The following FSTL5 variants were observed in gnomAD, a reference collection of about 807,000 sequenced individuals.
FSTL5 encodes follistatin like 5, also known as follistatin-related protein 5.
Under a neutral mutation model 89.1 loss-of-function variants are expected in FSTL5, and 62 were observed. That is an observed-to-expected ratio of 0.70 (90% confidence interval 0.57 to 0.86). The LOEUF is 0.86. Ranked by LOEUF, FSTL5 falls within the 40% of genes least tolerant of loss-of-function variation. The pLI, the probability that FSTL5 is intolerant of heterozygous loss-of-function variation, is 0.00. For synonymous variants in FSTL5, 383 were observed against 346.2 expected (o/e 1.11, Z -1.18); for missense variants, 1,057 against 1,001.6 (o/e 1.06, Z -0.75).
intron 7 of FSTL5, among the ~76,000 whole-genome samples, chr4:161,643,332 G>A (rs1311895210): frequency 6.6e-6 from 1 of 152,096 alleles, no homozygotes; most frequent in Non-Finnish European, 1.5e-5. Context: ...TCACCTGGCT[G>A]TCACCTAAAC....
intron 2 of FSTL5, among the ~76,000 whole-genome samples, chr4:162,093,731 C>T (rs895740226): frequency 6.6e-6 from 1 of 152,080 alleles, no homozygotes; most frequent in Non-Finnish European, 1.5e-5. Context: ...AAAGTTTTAA[C>T]CACAAACTTC....
chr4:162,100,906 G>A (rs542396754), intron 2 of FSTL5, among the ~76,000 whole-genome samples: 1 of 152,206 alleles, frequency 6.6e-6, no homozygotes, highest in Non-Finnish European at 1.5e-5. Context: ...CACACTGCTG[G>A]CATTTCTGAT....
chr4:161,713,522 G>A (rs1738869956), intron 6 of FSTL5, among the ~76,000 whole-genome samples: 1 of 152,088 alleles, frequency 6.6e-6, no homozygotes, highest in Admixed American at 6.5e-5. Context: ...TCAAAAAATT[G>A]TCTTTCACAG....
chr4:161,486,655 A>G (rs1332425538), intron 12 of FSTL5, among the ~76,000 whole-genome samples: 1 of 152,146 alleles, frequency 6.6e-6, no homozygotes, highest in Non-Finnish European at 1.5e-5. Flanking sequence ...TGGGCTGCCA[A>G]TGTGTGTAAA....
chr4:161,510,797 T>C (rs1335060031), intron 10 of FSTL5, among the ~76,000 whole-genome samples: 1 of 151,710 alleles, frequency 6.6e-6, no homozygotes, highest in Admixed American at 6.6e-5. Flanking sequence ...AAGTTGCTAA[T>C]AGAAAAAGTT....
intron 15 of FSTL5, among the ~76,000 whole-genome samples, chr4:161,417,388 T>C (rs1023165189): frequency 1.3e-5 from 2 of 152,274 alleles, no homozygotes; most frequent in African/African-American, 2.4e-5. Flanking sequence ...GTATGTATTA[T>C]TTCATTCTAA....
At chr4:161,555,961 C>T (rs1197675920) in intron 8 of FSTL5, among the ~76,000 whole-genome samples, 1 of 151,548 alleles carries the variant, frequency 6.6e-6, no homozygotes. Context: ...ACTGTTTCAA[C>T]ACGCAAGAAA....
rs746818470 is a variant in FSTL5 at position 161,698,775 on chromosome 4, A to AAAAC, written c.728-42285_728-42282dup. 3.2e-4 allele frequency among the ~76,000 whole-genome samples: 48 copies of AAAAC among 152,174 alleles called. 1 individual carries two copies. Among genetic ancestry groups the AAAAC allele is most frequent in the Admixed American group, 1.3e-3 (20 of 15,278 alleles). ...AAACCCTGTCTCTACTAAACATACA[A>AAAAC]AAACAAACAAACAAACAAATAAAAC... On this transcript the variant is annotated intron_variant, in intron 6 of 15. Transcript: ENST00000306100.
chr4:161,779,789 A>ATATATG (rs1741573871), intron 4 of FSTL5, among the ~76,000 whole-genome samples: 1 of 51,076 alleles, frequency 2.0e-5, no homozygotes, highest in Non-Finnish European at 3.1e-5. Context: ...ATATATATAT[A>ATATATG]TATATATATA....
intron 7 of FSTL5, among the ~76,000 whole-genome samples, chr4:161,626,867 G>C (rs888094437): frequency 6.6e-6 from 1 of 152,148 alleles, no homozygotes; most frequent in Non-Finnish European, 1.5e-5. Flanking sequence ...TTACAGATGT[G>C]ATGCAAATAG....
chr4:161,488,550 A>G (rs192828507), intron 12 of FSTL5, among the ~76,000 whole-genome samples: 61 of 152,244 alleles, frequency 4.0e-4, no homozygotes, highest in East Asian at 5.8e-4. Context: ...AGAGACCTCA[A>G]TGTAGTGTCC....
intron 13 of FSTL5, among the ~76,000 whole-genome samples, chr4:161,467,672 G>A (rs1468288769): frequency 6.6e-6 from 1 of 152,050 alleles, no homozygotes; most frequent in Non-Finnish European, 1.5e-5. Flanking sequence ...TCAACTTTAA[G>A]CATGTACTCT....
chr4:161,977,882 G>C (rs1215477167), intron 3 of FSTL5, among the ~76,000 whole-genome samples: 2 of 151,698 alleles, frequency 1.3e-5, no homozygotes, highest in Non-Finnish European at 2.9e-5. Context: ...GTCAATCCAG[G>C]GACTGATAAT....
intron 10 of FSTL5, among the ~76,000 whole-genome samples, chr4:161,527,947 A>G (rs1349289458): frequency 1.3e-5 from 2 of 149,226 alleles, no homozygotes; most frequent in Non-Finnish European, 3.0e-5. Flanking sequence ...CATATACACC[A>G]TGGAATACTA....
At chr4:161,650,706 A>G (rs1736308660) in intron 7 of FSTL5, among the ~76,000 whole-genome samples, 1 of 152,204 alleles carries the variant, frequency 6.6e-6, no homozygotes, top group Non-Finnish European at 1.5e-5. Flanking sequence ...TTTATTTTAT[A>G]AATCCATTGT....
intron 7 of FSTL5, among the ~76,000 whole-genome samples, chr4:161,616,547 A>G (rs1191623137): frequency 1.3e-5 from 2 of 152,136 alleles, no homozygotes; most frequent in Non-Finnish European, 2.9e-5. Flanking sequence ...CAGCTTGCAG[A>G]CGGCCCATTA....
intron 1 of FSTL5, among the ~76,000 whole-genome samples, chr4:162,112,524 G>C (rs1268527376): frequency 2.6e-5 from 4 of 152,108 alleles, no homozygotes; most frequent in Admixed American, 2.6e-4. Flanking sequence ...GGGGTGACAG[G>C]CATGAGCCAC....
At chr4:161,434,672 T>G (rs1469822476) in intron 15 of FSTL5, among the ~76,000 whole-genome samples, 1 of 152,094 alleles carries the variant, frequency 6.6e-6, no homozygotes, top group Non-Finnish European at 1.5e-5. Flanking sequence ...ACTACCCATC[T>G]GACAAGTGGT....
rs1399113684 is a variant in FSTL5 at position 161,908,693 on chromosome 4, A to C, written c.409+11711T>G. On this transcript the variant is annotated intron_variant, in intron 4 of 15. Transcript: ENST00000306100. ...AAAATTAAAATATGCATAACTTAGA[A>C]ATTAAGTCAAAAATGTTTTAGCTGC... is the stretch of plus-strand genomic sequence containing the variant. Among the ~76,000 whole-genome samples the C allele has an allele frequency of 4.6e-5, 7 of 152,238 alleles. No individual in the cohort carries two copies. In the East Asian group the frequency reaches 1.4e-3, roughly 29 times the overall value.
Sources: allele counts gnomAD v4.1 joint callset (sites outside exome capture counted in the v4.1 genomes callset), GRCh38; gene constraint gnomAD v4.1.1; transcripts MANE v1.5; gene names NCBI Gene and HGNC (gene_info 2026-07-23, HGNC 2026-07-21).